CEP250: variants seen among roughly 807,000 people sequenced by gnomAD.
CEP250 encodes the protein centrosome-associated protein CEP250.
CEP250 carries 242 observed loss-of-function variants against 315.7 expected under a neutral mutation model. The observed-to-expected ratio is 0.77, with a 90% CI of 0.69 to 0.85. The LOEUF is 0.85. Ranked by LOEUF, CEP250 falls within the 40% of genes least tolerant of loss-of-function variation. CEP250 has a pLI of 0.00. For missense variants in CEP250, 2,515 were observed against 2,886.4 expected (o/e 0.87, Z 2.95); for synonymous variants, 1,088 against 1,175.0 (o/e 0.93, Z 1.51).
At position 35,497,938 on chromosome 20, in the gene CEP250, G is replaced by A. The variant is rs775388894; in HGVS notation, c.3526G>A (p.Ala1176Thr). ...LAAEQQPGNQ[A>T]QAQAQLASLY... The stretch of plus-strand genomic sequence containing the variant: ...CGCAGAGCAGCAGCCCGGGAACCAG[G>A]CCCAGGCCCAGGCCCAGCTGGCCAG... The change falls in exon 26 of 35, where the codon GCC becomes ACC. Residue 1176 changes from alanine to threonine, a missense_variant. Physicochemically the swap from Ala to Thr is moderately conservative, Grantham distance 58. Coordinates refer to ENST00000397527, the MANE Select transcript of CEP250 (RefSeq NM_007186.6). 9.3e-6 allele frequency: 15 copies of A among 1,610,574 alleles called. No individual in the cohort carries two copies. The South Asian group carries it at 1.4e-4, about 15-fold the overall frequency.
At chr20:35,479,161 C>T in intron 17 of CEP250, 70 bp from the exon 18 acceptor site, 2 of 1,491,644 alleles carry the variant, frequency 1.3e-6, no homozygotes, top group Admixed American at 1.8e-5. Flanking sequence ...GGCAATGACC[C>T]TAACCTGGTG....
At chr20:35,487,801 G>A (rs1010432679) in intron 20 of CEP250, among the ~76,000 whole-genome samples, 2 of 152,110 alleles carry the variant, frequency 1.3e-5, no homozygotes, top group African/African-American at 4.8e-5. Flanking sequence ...GAGAAGTCAG[G>A]GTTACATGGC....
intron 9 of CEP250, 153 bp from the exon 10 acceptor site, chr20:35,469,737 G>C: frequency 1.9e-6 from 1 of 516,956 alleles, no homozygotes; most frequent in South Asian, 3.0e-5. Context: ...GTGGTATTCA[G>C]GGAGTGCAGA....
intron 14 of CEP250, among the ~76,000 whole-genome samples, 174 bp downstream of exon 14, chr20:35,474,226 T>C (rs1270930500): frequency 6.6e-6 from 1 of 152,228 alleles, no homozygotes; most frequent in Non-Finnish European, 1.5e-5. Flanking sequence ...AAGTTCGTGG[T>C]TGGTTAAGTC....
At chr20:35,473,727 G>T (rs1375015882) in intron 13 of CEP250, 143 bp from the exon 14 acceptor site, 6 of 998,848 alleles carry the variant, frequency 6.0e-6, no homozygotes, top group Non-Finnish European at 8.7e-6. Flanking sequence ...TTTGGGGTTG[G>T]AGTCTTTGTG....
rs1342462405 is a variant in CEP250 at position 35,503,510 on chromosome 20, A to G, written c.5141A>G (p.Lys1714Arg). 1 of 1,357,924 alleles carries G rather than the reference A, an allele frequency of 7.4e-7. No homozygotes were observed. Among genetic ancestry groups the G allele is most frequent in the African/African-American group, 1.5e-5 (1 of 68,612 alleles). 84.1% of individuals were successfully genotyped at this position (1,357,924 alleles called of 1,614,324 possible). A position where few individuals can be genotyped will look rare whatever the true frequency, so the allele number is the denominator to read the frequency against. Residue 1714 changes from lysine (K) to arginine (R), a missense_variant, in exon 30 of 35, where the codon AAG becomes AGG. By Grantham distance (26) the Lys-to-Arg change is conservative (BLOSUM62 2). Transcript: ENST00000397527. The surrounding 1 kb of genome is among the most constrained non-coding windows in gnomAD (Gnocchi z 4.2). The stretch of plus-strand genomic sequence containing the variant: ...ATGCAGGAACGGGCAGAGGAAGGGA[A>G]GGGCCCAAGTAAAGCACAGCGCGGG... ...QLMQERAEEG[K>R]GPSKAQRGSL...
Position 35,485,244 on chromosome 20 carries a change from AC to A in CEP250, c.2586+5100del, listed in dbSNP as rs1168525828. Among the ~76,000 whole-genome samples the A allele has an allele frequency of 9.2e-5, 14 of 152,016 alleles. No homozygotes were observed. The East Asian group carries it at 1.2e-3, about 13-fold the overall frequency. On this transcript the variant is annotated intron_variant, in intron 20 of 34. Transcript: ENST00000397527. Reference sequence around the variant, plus strand: ...AAAAATATTAGCCGGGTGTGGTGGCACATGCCTGTAGTCCCAGCTACTTGGG... The same window carrying A: ...AAAAATATTAGCCGGGTGTGGTGGCAATGCCTGTAGTCCCAGCTACTTGGG...
intron 20 of CEP250, among the ~76,000 whole-genome samples, chr20:35,488,870 A>G (rs529514157): frequency 1.6e-4 from 24 of 152,164 alleles, no homozygotes; most frequent in African/African-American, 5.5e-4. Context: ...GGTAGAAGGA[A>G]GCATGAGTAA....
At position 35,458,313 on chromosome 20, in the gene CEP250, T is replaced by C. The variant is rs1283211477; in HGVS notation, c.-288T>C. On this transcript the variant is annotated 5_prime_UTR_variant, in exon 2 of 35. Coordinates refer to ENST00000397527, the MANE Select transcript of CEP250 (RefSeq NM_007186.6). ...TCACTTTCCACTCCAGGTTCACAGGTGGCTGTTGGTCTTTAGTAAGGGTGC... is the reference window on the plus strand; with the variant it reads ...TCACTTTCCACTCCAGGTTCACAGGCGGCTGTTGGTCTTTAGTAAGGGTGC... 1 of 152,234 alleles carries C rather than the reference T, an allele frequency of 6.6e-6. No individual in the cohort carries two copies. Among genetic ancestry groups the C allele is most frequent in the Non-Finnish European group, 1.5e-5 (1 of 68,044 alleles). 9.4% of individuals were successfully genotyped at this position (152,234 alleles called of 1,614,324 possible).
At position 35,479,286 on chromosome 20, in the gene CEP250, C is replaced by A; in HGVS notation, c.2150C>A (p.Ala717Glu). The change falls in exon 18 of 35, where the codon GCA (alanine) becomes GAA (glutamate). Residue 717 changes from alanine (A) to glutamate (E), a missense_variant. Ala to Glu is a moderately radical substitution (Grantham distance 107). Transcript: ENST00000397527. ...TTQLEQLHQE[A>E]KRQEEVLARA... ...CAGCTGGAGCAGCTACATCAGGAGGCAAAGCGACAGGAAGAAGTGCTTGCC... is the reference window on the plus strand; with the variant it reads ...CAGCTGGAGCAGCTACATCAGGAGGAAAAGCGACAGGAAGAAGTGCTTGCC... 6.2e-7 allele frequency: 1 copy of A among 1,613,684 alleles called. No homozygotes were observed.
intron 28 of CEP250, 146 bp from the exon 29 acceptor site, chr20:35,501,699 C>A: frequency 1.1e-6 from 1 of 889,622 alleles, no homozygotes; most frequent in Non-Finnish European, 1.6e-6. Context: ...CTTGATATCT[C>A]TAGGACACTG....
At chr20:35,460,682 T>C (rs1441193003) in intron 3 of CEP250, among the ~76,000 whole-genome samples, 2 of 152,260 alleles carry the variant, frequency 1.3e-5, no homozygotes, top group East Asian at 1.9e-4. Context: ...GCCAGAAATA[T>C]GGATTTTATG....
intron 7 of CEP250, 104 bp downstream of exon 7, chr20:35,466,308 G>T: frequency 7.5e-7 from 1 of 1,332,438 alleles, no homozygotes; most frequent in South Asian, 1.4e-5. Context: ...GATGAAAACT[G>T]AGCTGTTGCT....
chr20:35,492,434 C>A (rs1304272800), intron 22 of CEP250, among the ~76,000 whole-genome samples: 2 of 152,044 alleles, frequency 1.3e-5, no homozygotes, highest in Admixed American at 1.3e-4. Context: ...ATCCTAAAAC[C>A]CACTACACAG....
intron 25 of CEP250, 25 bp from the exon 26 acceptor site, chr20:35,497,694 A>C: frequency 6.7e-7 from 1 of 1,497,598 alleles, no homozygotes; most frequent in Non-Finnish European, 9.0e-7. Flanking sequence ...TCCTGCTTAT[A>C]TTATGTAAAA....
chr20:35,470,188 C>T, intron 10 of CEP250: 1 of 592,748 alleles, frequency 1.7e-6, no homozygotes, highest in Admixed American at 3.1e-5. Context: ...TCTACTATCC[C>T]TACTGTATTC....
intron 29 of CEP250, 151 bp from the exon 30 acceptor site, chr20:35,502,239 C>T (rs531130540): frequency 2.6e-6 from 2 of 757,000 alleles, no homozygotes; most frequent in Admixed American, 5.9e-5. Flanking sequence ...TGCCCTTTTA[C>T]AGTATCAGCT....
rs369355571 is a variant in CEP250 at position 35,497,987 on chromosome 20, C to A, written c.3575C>A (p.Ala1192Asp). 6 of 1,613,218 alleles carry A rather than the reference C, an allele frequency of 3.7e-6. No individual in the cohort carries two copies. The African/African-American group carries it at 6.7e-5, about 18-fold the overall frequency. Residue 1192 changes from alanine to aspartate, a missense_variant, in exon 26 of 35, where the codon GCC (alanine) becomes GAC (aspartate). Coordinates refer to ENST00000397527, the MANE Select transcript of CEP250 (RefSeq NM_007186.6). ...AGCCTCTACTCTGCCCTGCAGCAGG[C>A]CCTGGGGTCTGTTTGTGAGAGCAGG... ...LASLYSALQQALGSVCESRPE... is the reference protein window; with the variant it reads ...LASLYSALQQDLGSVCESRPE...
intron 33 of CEP250, 68 bp from the exon 34 acceptor site, chr20:35,509,930 A>C: frequency 6.9e-7 from 1 of 1,443,322 alleles, no homozygotes; most frequent in African/African-American, 1.4e-5. Flanking sequence ...GAGGTTCTGC[A>C]AGGAAACTTG....
Sources: gnomAD v4.1 joint callset for allele counts (sites outside exome capture counted in the v4.1 genomes callset) on GRCh38, gnomAD v4.1.1 for gene constraint, Gnocchi (gnomAD v3.1) non-coding constraint, MANE v1.5 for transcripts, NCBI Gene and HGNC (gene_info 2026-07-23, HGNC 2026-07-21) for gene names.